Variants in PPP2R2B observed in about 807,000 individuals in gnomAD.
PPP2R2B encodes protein phosphatase 2 regulatory subunit Bbeta.
A neutral mutation model predicts 46.0 loss-of-function variants in PPP2R2B; 5 were observed. The observed-to-expected ratio is 0.11, with a 90% confidence interval of 0.06 to 0.23. The LOEUF is 0.23. Among genes scored for constraint, PPP2R2B ranks in the 10% least tolerant of loss-of-function variants. The pLI is 1.00. For synonymous variants in PPP2R2B, 215 were observed against 206.7 expected, an observed-to-expected ratio of 1.04 and a Z score of -0.34; for missense variants, 367 against 575.0, an observed-to-expected ratio of 0.64 and a Z score of 3.70.
chr5:147,019,394 A>T (rs12514241), intron 1 of PPP2R2B, among the ~76,000 whole-genome samples: 73,304 of 151,956 alleles, frequency 0.48, 19,013 homozygotes, highest in Middle Eastern at 0.61. Flanking sequence ...AGTTAATAAG[A>T]TCATCCTTGC....
chr5:146,655,384 C>T (rs1225568310), intron 5 of PPP2R2B, among the ~76,000 whole-genome samples: 3 of 152,198 alleles, frequency 2.0e-5, no homozygotes, highest in East Asian at 1.9e-4. Flanking sequence ...TTCAATCAGT[C>T]CCTGCTCAAA....
At chr5:146,814,206 A>T (rs964130054) in intron 2 of PPP2R2B, among the ~76,000 whole-genome samples, 1 of 150,368 alleles carries the variant, frequency 6.7e-6, no homozygotes, top group African/African-American at 2.5e-5. Flanking sequence ...AAAAAAAAAA[A>T]CCCTCCATAT....
intron 1 of PPP2R2B, among the ~76,000 whole-genome samples, chr5:146,927,265 A>G (rs1454218774): frequency 6.6e-6 from 1 of 150,808 alleles, no homozygotes; most frequent in Non-Finnish European, 1.5e-5. Context: ...GATTTACCCA[A>G]CCTCCTCCTA....
rs1770057404 is a variant in PPP2R2B, at chr5:146,584,798, T to C, written c.*5149A>G. The C allele has an allele frequency of 6.6e-6, 1 of 152,222 alleles. No individual in the cohort carries two copies. Among genetic ancestry groups the C allele is most frequent in the African/African-American group, 2.4e-5 (1 of 41,464 alleles). 9.4% of individuals were successfully genotyped at this position (152,222 alleles called of 1,614,324 possible). On this transcript the variant is annotated 3_prime_UTR_variant, in exon 10 of 10. Transcript: ENST00000394411. Reference sequence around the variant, plus strand: ...AAAAAGGGGTAGGCTAGTTCTAGTATGTCGAAAATGTGTTTCTAATGGAAG... The same window carrying C: ...AAAAAGGGGTAGGCTAGTTCTAGTACGTCGAAAATGTGTTTCTAATGGAAG...
At chr5:146,863,951 C>T (rs1761160221) in intron 2 of PPP2R2B, among the ~76,000 whole-genome samples, 1 of 152,004 alleles carries the variant, frequency 6.6e-6, no homozygotes, top group Non-Finnish European at 1.5e-5. Context: ...AAAATATGGA[C>T]AGAACAAAAG....
At chr5:146,909,985 A>G (rs1313817649) in intron 1 of PPP2R2B, among the ~76,000 whole-genome samples, 1 of 152,120 alleles carries the variant, frequency 6.6e-6, no homozygotes, top group Non-Finnish European at 1.5e-5. Context: ...TTTCCATTTC[A>G]TTGGCTTAAA....
intron 1 of PPP2R2B, among the ~76,000 whole-genome samples, chr5:146,957,511 G>C (rs926949369): frequency 6.6e-6 from 1 of 152,198 alleles, no homozygotes; most frequent in Non-Finnish European, 1.5e-5. Flanking sequence ...TATTTAAGTT[G>C]AGCCTTGAGA....
chr5:147,011,505 A>T (rs1294144935), intron 1 of PPP2R2B, among the ~76,000 whole-genome samples: 3 of 152,200 alleles, frequency 2.0e-5, no homozygotes, highest in African/African-American at 7.2e-5. Flanking sequence ...GACTATGTCT[A>T]TAAGGAATAT....
chr5:146,727,716 A>C (rs1751963401), intron 2 of PPP2R2B, among the ~76,000 whole-genome samples: 1 of 152,142 alleles, frequency 6.6e-6, no homozygotes, highest in Non-Finnish European at 1.5e-5. Flanking sequence ...CCCAAAATCT[A>C]TTCTTTTAGC....
At position 146,653,591 on chromosome 5, in the gene PPP2R2B, C is replaced by T. The variant is rs149238191; in HGVS notation, c.448-2867G>A. Among the ~76,000 whole-genome samples the T allele has an allele frequency of 4.6e-3, 701 of 152,274 alleles. 3 individuals are homozygous for T. Among genetic ancestry groups the T allele is most frequent in the Middle Eastern group, 0.044 (13 of 294 alleles). On this transcript the variant is annotated intron_variant, in intron 5 of 9. Transcript: ENST00000394411. Reference sequence around the variant, plus strand: ...AGGACTTCCTGTGGCTCCTCCTAAACTCTTCCCCGGGCCTCCTCAGTTACC... The same window carrying T: ...AGGACTTCCTGTGGCTCCTCCTAAATTCTTCCCCGGGCCTCCTCAGTTACC...
chr5:146,636,700 C>T (rs986368231), intron 7 of PPP2R2B, among the ~76,000 whole-genome samples: 1 of 152,200 alleles, frequency 6.6e-6, no homozygotes, highest in Non-Finnish European at 1.5e-5. Flanking sequence ...TAAGTACTCA[C>T]TGAATGCATG....
chr5:146,743,862 T>C (rs1378584273), intron 2 of PPP2R2B, among the ~76,000 whole-genome samples: 2 of 152,118 alleles, frequency 1.3e-5, no homozygotes, highest in Non-Finnish European at 2.9e-5. Flanking sequence ...GCCTCCATAG[T>C]GGGTGGTTTA....
chr5:147,052,298 C>T (rs1393150957), intron 1 of PPP2R2B, among the ~76,000 whole-genome samples: 1 of 152,114 alleles, frequency 6.6e-6, no homozygotes, highest in Non-Finnish European at 1.5e-5. Context: ...ATACAACAGC[C>T]TTGGTATTTG....
chr5:147,019,002 G>A lies in PPP2R2B; in HGVS notation c.79+36663C>T, dbSNP rs779055875. Among the ~76,000 whole-genome samples, 55 of 152,282 alleles carry A rather than the reference G, an allele frequency of 3.6e-4. No individual in the cohort carries two copies. The Middle Eastern group carries it at 0.01, about 28-fold the overall frequency. On this transcript the variant is annotated intron_variant, in intron 1 of 8. Coordinates refer to the PPP2R2B transcript ENST00000336640. ...TAGTTCAGCCTACAAATCAAATACT[G>A]CTCTCTGTTTATTACTGCAAGATCA...
chr5:146,954,817 C>G (rs1394268250), intron 1 of PPP2R2B, among the ~76,000 whole-genome samples: 5 of 149,666 alleles, frequency 3.3e-5, no homozygotes, highest in Non-Finnish European at 7.4e-5. Context: ...GGCAATGATA[C>G]TACTGAGTGT....
At chr5:146,926,026 G>T (rs773496203) in intron 1 of PPP2R2B, among the ~76,000 whole-genome samples, 2 of 152,026 alleles carry the variant, frequency 1.3e-5, no homozygotes, top group African/African-American at 4.8e-5. Flanking sequence ...TCTATTTGTT[G>T]ATCTCTTGTT....
intron 2 of PPP2R2B, among the ~76,000 whole-genome samples, chr5:147,061,719 C>T (rs1162254971): frequency 5.9e-5 from 9 of 152,098 alleles, no homozygotes; most frequent in East Asian, 1.9e-4. Context: ...AGATGGGGGT[C>T]GGCTCCATTT....
chr5:146,796,117 G>C (rs1445636683), intron 2 of PPP2R2B, among the ~76,000 whole-genome samples: 4 of 152,054 alleles, frequency 2.6e-5, no homozygotes, highest in African/African-American at 4.8e-5. Context: ...TACACCAACA[G>C]AAAACACCCA....
At chr5:146,757,766 T>A (rs1177870826) in intron 2 of PPP2R2B, among the ~76,000 whole-genome samples, 1 of 152,188 alleles carries the variant, frequency 6.6e-6, no homozygotes, top group Non-Finnish European at 1.5e-5. Context: ...GGAACCAAAC[T>A]GCAAGAAAGT....
Sources: allele counts gnomAD v4.1 joint callset (sites outside exome capture counted in the v4.1 genomes callset), GRCh38; gene constraint gnomAD v4.1.1; transcripts MANE v1.5; gene names NCBI Gene and HGNC (gene_info 2026-07-23, HGNC 2026-07-21).